The following ZNF790 variants were observed in gnomAD, a reference collection of about 807,000 sequenced individuals.
ZNF790 encodes the protein zinc finger protein 790.
A neutral mutation model predicts 12.1 loss-of-function variants in ZNF790; 8 were observed. The observed-to-expected ratio is 0.66, with a 90% CI of 0.39 to 1.19. The LOEUF is 1.19. Among genes scored for constraint, ZNF790 ranks in the 50% most tolerant of loss-of-function variants. ZNF790 has a pLI of 0.01. For missense variants in ZNF790, 707 were observed against 752.2 expected (o/e 0.94, Z 0.70); for synonymous variants, 252 against 244.3 (o/e 1.03, Z -0.29).
At chr19:36,827,141 CATATATATAT>C (rs369671729) in intron 1 of ZNF790, among the ~76,000 whole-genome samples, 1,356 of 84,344 alleles carry the variant, frequency 0.016, 27 homozygotes, top group East Asian at 0.08. Flanking sequence ...CACACACACA[CATATATATAT>C]ATATATATAT....
At chr19:36,838,531 C>G (rs1451510776), upstream of ZNF790, 1 of 152,456 alleles carries the variant, frequency 6.6e-6, no homozygotes, top group Non-Finnish European at 1.5e-5. This position sits in a 1 kb window ranked among gnomAD's most constrained non-coding sequence, Gnocchi z 4.4. Flanking sequence ...CATCCCCTCG[C>G]TGGGCAAAGA....
chr19:36,822,222 T>C (rs913787615), intron 4 of ZNF790, among the ~76,000 whole-genome samples: 1 of 151,892 alleles, frequency 6.6e-6, no homozygotes, highest in South Asian at 2.1e-4. Flanking sequence ...AAGGAGAAGA[T>C]AGGAAAAATG....
upstream of ZNF790, chr19:36,850,438 C>T (rs997306345): frequency 6.6e-6 from 1 of 152,290 alleles, no homozygotes; most frequent in African/African-American, 2.4e-5. Context: ...TAGTCAACTT[C>T]CAATACAACA....
rs573383705 is a variant in ZNF790, at chr19:36,818,334, A to G, written c.*99T>C. ...TGTGTGCTCTGTTAAAATGCCTTCC[A>G]ATATTACTTACATTTGTGGTGTTCC... On this transcript the variant is annotated 3_prime_UTR_variant, in exon 5 of 5. Transcript: ENST00000356725. 1.5e-5 allele frequency: 18 copies of G among 1,229,042 alleles called. No individual in the cohort carries two copies. The South Asian group carries it at 2.9e-4, about 20-fold the overall frequency. The allele number at this position is 1,229,042 out of a possible 1,614,324, so 76.1% of individuals were successfully genotyped here. A position where few individuals can be genotyped will look rare whatever the true frequency, so the allele number is the denominator to read the frequency against.
chr19:36,820,011 G>T lies in ZNF790; in HGVS notation c.333C>A (p.Ser111Arg), dbSNP rs144076687. 6.2e-7 allele frequency: 1 copy of T among 1,613,668 alleles called. No individual in the cohort carries two copies. The highest frequency in any genetic ancestry group is 8.5e-7 in the Non-Finnish European group (1 of 1,180,018). Residue 111 changes from serine to arginine, a missense_variant, in exon 5 of 5, where the codon AGC becomes AGA. Physicochemically the swap from Ser to Arg is moderately radical, Grantham distance 110. Transcript: ENST00000356725. Reference sequence around the variant, plus strand: ...CACCTCTAAAACATAAACAGTCAAGGCTGTGGTTTTTACAAATTCTCATTA... The same window carrying T: ...CACCTCTAAAACATAAACAGTCAAGTCTGTGGTTTTTACAAATTCTCATTA... ...LEIMRICKNH[S>R]LDCLCFRGDW...
chr19:36,837,579 T>C (rs1478293920), intron 1 of ZNF790: 1 of 152,264 alleles, frequency 6.6e-6, no homozygotes, highest in Non-Finnish European at 1.5e-5. Context: ...CTTCAGCTCA[T>C]GGTTTACTCT....
intron 1 of ZNF790, among the ~76,000 whole-genome samples, chr19:36,834,181 T>A (rs2146072048): frequency 7.1e-6 from 1 of 141,692 alleles, no homozygotes; most frequent in African/African-American, 2.7e-5. Context: ...AGGCAGAGCT[T>A]GCGGTGAGCC....
chr19:36,832,284 C>G (rs2071958400), intron 1 of ZNF790, among the ~76,000 whole-genome samples: 2 of 152,182 alleles, frequency 1.3e-5, no homozygotes, highest in South Asian at 4.1e-4. Context: ...TGGTAGCCAG[C>G]ATCCTGGATG....
chr19:36,835,221 C>T (rs561838597), intron 1 of ZNF790, among the ~76,000 whole-genome samples: 3 of 152,100 alleles, frequency 2.0e-5, no homozygotes, highest in East Asian at 3.9e-4. Context: ...CCAGAAGTTG[C>T]GGTAAGCCGA....
In ZNF790 at chr19:36,818,719, G is replaced by T. The variant is rs1402011197; in HGVS notation, c.1625C>A (p.Ser542Tyr). Residue 542 changes from serine (S) to tyrosine (Y), a missense_variant, in exon 5 of 5, where the codon TCT becomes TAT. Ser to Tyr is a moderately radical substitution (Grantham distance 144). Coordinates refer to ENST00000356725, the MANE Select transcript of ZNF790 (RefSeq NM_206894.4). Reference sequence around the variant, plus strand: ...TGTAAGCTGTGAACCCCAGATAAAAGATTTCCCACATTCTTTACATACGTA... The same window carrying T: ...TGTAAGCTGTGAACCCCAGATAAAATATTTCCCACATTCTTTACATACGTA... The part of the protein sequence containing the change: ...EPYVCKECGK[S>Y]FIWGSQLTRH... 1.9e-6 allele frequency: 3 copies of T among 1,613,406 alleles called. No individual in the cohort carries two copies. Among genetic ancestry groups the T allele is most frequent in the Admixed American group, 1.7e-5 (1 of 59,804 alleles).
At chr19:36,831,669 T>C (rs2071947307) in intron 1 of ZNF790, among the ~76,000 whole-genome samples, 1 of 151,910 alleles carries the variant, frequency 6.6e-6, no homozygotes, top group Admixed American at 6.6e-5. Flanking sequence ...TTTGAAGAAA[T>C]GAAAATGAAA....
chr19:36,830,776 A>G (rs1393514075), intron 1 of ZNF790, among the ~76,000 whole-genome samples: 5 of 152,250 alleles, frequency 3.3e-5, no homozygotes, highest in African/African-American at 1.2e-4. Context: ...TACCAGTGAC[A>G]GCTATTCCAG....
chr19:36,824,765 G>A (rs1260970320), intron 2 of ZNF790, among the ~76,000 whole-genome samples: 2 of 151,406 alleles, frequency 1.3e-5, no homozygotes, highest in African/African-American at 4.8e-5. Flanking sequence ...GAGAAAAGTT[G>A]GAGGTTTTGT....
chr19:36,821,998 G>T (rs2071683802), intron 4 of ZNF790, among the ~76,000 whole-genome samples: 1 of 152,084 alleles, frequency 6.6e-6, no homozygotes, highest in Non-Finnish European at 1.5e-5. Context: ...CTGTTACTCT[G>T]ATTTTCAACT....
chr19:36,823,211 G>C, intron 4 of ZNF790, 74 bp downstream of exon 4: 2 of 1,345,386 alleles, frequency 1.5e-6, no homozygotes, highest in Non-Finnish European at 2.1e-6. Flanking sequence ...TTTCAGAGGT[G>C]TTGCTGCCTC....
At chr19:36,849,506 G>A (rs561985713) in intron 1 of ZNF790, among the ~76,000 whole-genome samples, 2 of 151,704 alleles carry the variant, frequency 1.3e-5, no homozygotes, top group African/African-American at 2.4e-5. Context: ...CTATTATGAC[G>A]GGTTTCTTTT....
Position 36,818,727 on chromosome 19 carries a change from A to G in ZNF790, c.1617T>C (p.Cys539=). The change falls in exon 5 of 5, where the codon TGT becomes TGC. Residue 539 remains cysteine, a synonymous_variant. Coordinates refer to ENST00000356725, the MANE Select transcript of ZNF790 (RefSeq NM_206894.4). ...GTGAACCCCAGATAAAAGATTTCCC[A>G]CATTCTTTACATACGTAAGGTTCCT... is the stretch of plus-strand genomic sequence containing the variant. The part of the protein sequence containing the change: ...TGEEPYVCKE[C]GKSFIWGSQL... The G allele has an allele frequency of 6.2e-7, 1 of 1,613,010 alleles. No individual in the cohort carries two copies. Among genetic ancestry groups the G allele is most frequent in the Non-Finnish European group, 8.5e-7 (1 of 1,179,672 alleles).
intron 1 of ZNF790, among the ~76,000 whole-genome samples, chr19:36,827,157 T>C (rs1272797225): frequency 0.024 from 2,314 of 95,356 alleles, 126 homozygotes; most frequent in African/African-American, 0.067. Flanking sequence ...TATATATATA[T>C]ATATATATAT....
chr19:36,828,104 T>A (rs1013684687), intron 1 of ZNF790: 3 of 152,156 alleles, frequency 2.0e-5, no homozygotes, highest in African/African-American at 7.2e-5. Flanking sequence ...ATTTTGTGTT[T>A]GAGAACATGA....
Sources: allele counts gnomAD v4.1 joint callset (sites outside exome capture counted in the v4.1 genomes callset), GRCh38; gene constraint gnomAD v4.1.1; non-coding constraint Gnocchi (gnomAD v3.1); transcripts MANE v1.5; gene names NCBI Gene and HGNC (gene_info 2026-07-23, HGNC 2026-07-21).